The following DLG2 variants were observed in gnomAD, a reference collection of about 807,000 sequenced individuals.
The protein encoded by DLG2 is discs large MAGUK scaffold protein 2, also known as disks large homolog 2.
In DLG2, 45 loss-of-function variants were observed where a neutral mutation model predicts 132.5. The ratio of observed to expected loss-of-function variants is 0.34; its 90% CI spans 0.27 to 0.44. The LOEUF (loss-of-function observed/expected upper bound fraction) is 0.44. DLG2 is among the 20% of genes least tolerant of loss of function. The pLI is 1.00. For synonymous variants in DLG2, 424 were observed against 419.6 expected (o/e 1.01, Z -0.13); for missense variants, 1,045 against 1,196.9 (o/e 0.87, Z 1.87).
Position 83,803,279 on chromosome 11 carries a change from G to A in DLG2, c.1723-16487C>T, listed in dbSNP as rs111985479. Among the ~76,000 whole-genome samples the A allele has an allele frequency of 8.2e-3, 1,252 of 152,186 alleles. 24 individuals carry two copies. The highest frequency in any genetic ancestry group is 0.029 in the African/African-American group (1,195 of 41,528). Reference sequence around the variant, plus strand: ...TAGAATCTAACAGTAGTTCTCAACTGGGTATGAAAAGGTGTCTATTTGTGA... The same window carrying A: ...TAGAATCTAACAGTAGTTCTCAACTAGGTATGAAAAGGTGTCTATTTGTGA... On this transcript the variant is annotated intron_variant, in intron 17 of 27. Coordinates refer to ENST00000376104, the MANE Select transcript of DLG2 (RefSeq NM_001142699.3).
chr11:85,204,291 A>C (rs1016372072), intron 4 of DLG2, among the ~76,000 whole-genome samples: 2 of 152,152 alleles, frequency 1.3e-5, no homozygotes, highest in Non-Finnish European at 2.9e-5. Flanking sequence ...AGAAAAACCT[A>C]AACACTTTAG....
intron 19 of DLG2, among the ~76,000 whole-genome samples, chr11:83,588,014 A>T (rs1053136174): frequency 2.0e-5 from 3 of 152,244 alleles, no homozygotes; most frequent in Non-Finnish European, 4.4e-5. Context: ...CGCCTAGCAC[A>T]GCAGTCTGAG....
At chr11:83,846,941 C>CAAAAAA (rs2058740920) in intron 16 of DLG2, among the ~76,000 whole-genome samples, 1 of 68,538 alleles carries the variant, frequency 1.5e-5, no homozygotes, top group Non-Finnish European at 2.8e-5. Flanking sequence ...TCTCCCAAGC[C>CAAAAAA]AAAAAAAAAA....
intron 6 of DLG2, among the ~76,000 whole-genome samples, chr11:84,650,770 G>T (rs2099680556): frequency 6.7e-6 from 1 of 149,924 alleles, no homozygotes; most frequent in Non-Finnish European, 1.5e-5. Context: ...CAGTATTTAA[G>T]AGATGAACTA....
intron 6 of DLG2, among the ~76,000 whole-genome samples, chr11:84,836,482 T>C (rs780585193): frequency 1.3e-5 from 2 of 151,770 alleles, no homozygotes; most frequent in African/African-American, 2.4e-5. Context: ...AAAACCAGGA[T>C]TTAAAATGTC....
chr11:84,362,092 G>C (rs2098652993), intron 7 of DLG2, among the ~76,000 whole-genome samples: 1 of 151,780 alleles, frequency 6.6e-6, no homozygotes, highest in Non-Finnish European at 1.5e-5. Flanking sequence ...TCAATTAAAA[G>C]GTAGAGATTG....
intron 8 of DLG2, among the ~76,000 whole-genome samples, chr11:84,167,857 G>A (rs999801888): frequency 4.6e-5 from 7 of 152,106 alleles, no homozygotes; most frequent in African/African-American, 1.7e-4. Flanking sequence ...GTAAGGACTA[G>A]GTTTCACCAT....
At chr11:84,462,494 T>C (rs543645201) in intron 7 of DLG2, among the ~76,000 whole-genome samples, 1 of 151,230 alleles carries the variant, frequency 6.6e-6, no homozygotes, top group African/African-American at 2.4e-5. Context: ...TTGCCCAGCC[T>C]CTACTACTAA....
intron 3 of DLG2, among the ~76,000 whole-genome samples, chr11:85,580,765 T>A (rs763117031): frequency 2.6e-5 from 4 of 152,102 alleles, no homozygotes; most frequent in Non-Finnish European, 4.4e-5. Context: ...TACACCAAAC[T>A]GTTTAACAGA....
At chr11:85,407,257 A>G (rs1405922041) in intron 3 of DLG2, among the ~76,000 whole-genome samples, 5 of 151,926 alleles carry the variant, frequency 3.3e-5, no homozygotes, top group Non-Finnish European at 7.4e-5. Context: ...AAGAAACATA[A>G]TCTTCTACAT....
At chr11:84,924,862 C>A (rs186647994) in intron 6 of DLG2, among the ~76,000 whole-genome samples, 6 of 152,124 alleles carry the variant, frequency 3.9e-5, no homozygotes, top group Non-Finnish European at 1.5e-5. Flanking sequence ...ATTAAAAAAT[C>A]GACATGGATG....
chr11:85,488,532 T>C (rs2093483583), intron 3 of DLG2, among the ~76,000 whole-genome samples: 1 of 152,200 alleles, frequency 6.6e-6, no homozygotes, highest in Non-Finnish European at 1.5e-5. Context: ...CAGGCATGTC[T>C]TCATCAGCAG....
intron 4 of DLG2, among the ~76,000 whole-genome samples, chr11:85,280,972 C>T (rs748882401): frequency 6.6e-5 from 10 of 152,002 alleles, no homozygotes; most frequent in Non-Finnish European, 1.2e-4. Flanking sequence ...CTCCTGTCAT[C>T]TTATGATATC....
At chr11:85,497,420 G>C (rs536498161) in intron 3 of DLG2, among the ~76,000 whole-genome samples, 18 of 152,008 alleles carry the variant, frequency 1.2e-4, no homozygotes, top group Non-Finnish European at 5.9e-5. Context: ...AAGAAATCTG[G>C]AACTACGTGA....
chr11:83,469,446 A>T, intron 24 of DLG2, 73 bp from the exon 25 acceptor site: 1 of 1,111,444 alleles, frequency 9.0e-7, no homozygotes, highest in Non-Finnish European at 1.3e-6. Context: ...TATATTCTCC[A>T]CCACATCCTC....
chr11:84,532,707 G>T (rs1337704570), intron 7 of DLG2, among the ~76,000 whole-genome samples: 1 of 152,112 alleles, frequency 6.6e-6, no homozygotes, highest in African/African-American at 2.4e-5. Flanking sequence ...TTGTTACCCA[G>T]GCTGGTCTTG....
At chr11:83,503,427 A>AGATAGATAGATC (rs2094548480) in intron 21 of DLG2, among the ~76,000 whole-genome samples, 3 of 128,956 alleles carry the variant, frequency 2.3e-5, no homozygotes, top group Admixed American at 1.6e-4. Flanking sequence ...ATATATAGAT[A>AGATAGATAGATC]GATCTAATAG....
At chr11:84,859,599 G>A (rs1359251128) in intron 6 of DLG2, among the ~76,000 whole-genome samples, 1 of 151,260 alleles carries the variant, frequency 6.6e-6, no homozygotes, top group Admixed American at 6.6e-5. Context: ...AGATAATAAT[G>A]AATTTGTGGA....
intron 18 of DLG2, among the ~76,000 whole-genome samples, chr11:83,744,836 T>C (rs1270599491): frequency 1.2e-4 from 19 of 152,212 alleles, no homozygotes; most frequent in Non-Finnish European, 2.9e-5. Context: ...ACACAGAAGC[T>C]AAAACTGTGT....
Sources: gnomAD v4.1 joint callset for allele counts (sites outside exome capture counted in the v4.1 genomes callset) on GRCh38, gnomAD v4.1.1 for gene constraint, MANE v1.5 for transcripts, NCBI Gene and HGNC (gene_info 2026-07-23, HGNC 2026-07-21) for gene names.